LRMDA: variants seen among roughly 807,000 people sequenced by gnomAD.
LRMDA encodes leucine-rich melanocyte differentiation-associated protein.
LRMDA carries 18 observed loss-of-function variants against 29.8 expected under a neutral mutation model. The observed-to-expected ratio is 0.60, with a 90% CI of 0.42 to 0.90. LRMDA has a LOEUF of 0.90. LRMDA is among the 40% of genes least tolerant of loss of function. LRMDA has a pLI of 0.00. For synonymous variants in LRMDA, 125 were observed against 109.4 expected, an observed-to-expected ratio of 1.14 and a Z score of -0.89; for missense variants, 273 against 273.9, an observed-to-expected ratio of 1.00 and a Z score of 0.02.
intron 2 of LRMDA, among the ~76,000 whole-genome samples, chr10:75,858,392 C>G (rs1330935659): frequency 6.6e-6 from 1 of 152,186 alleles, no homozygotes; most frequent in African/African-American, 2.4e-5. Flanking sequence ...TCTTCTTCCC[C>G]CTCTCCACTA....
chr10:75,816,971 A>C (rs1844072109), intron 2 of LRMDA, among the ~76,000 whole-genome samples: 1 of 152,250 alleles, frequency 6.6e-6, no homozygotes, highest in Non-Finnish European at 1.5e-5. Context: ...TCAAATAACC[A>C]TGAAAAAGTG....
At chr10:75,462,112 A>G (rs1844593258) in intron 2 of LRMDA, among the ~76,000 whole-genome samples, 2 of 152,260 alleles carry the variant, frequency 1.3e-5, no homozygotes, top group African/African-American at 4.8e-5. Context: ...CGAACAAAGA[A>G]GACAAAGTAT....
chr10:75,648,418 T>C (rs758533913), intron 2 of LRMDA, among the ~76,000 whole-genome samples: 23 of 152,196 alleles, frequency 1.5e-4, no homozygotes, highest in Non-Finnish European at 3.1e-4. Context: ...AAAAGTGTTT[T>C]TTTCCTGTGT....
intron 5 of LRMDA, among the ~76,000 whole-genome samples, chr10:76,214,397 C>A (rs117998135): frequency 1.4e-5 from 2 of 140,294 alleles, no homozygotes; most frequent in Non-Finnish European, 3.0e-5. Flanking sequence ...GGACTGCGTC[C>A]GCAGTGGCGC....
At chr10:75,698,158 G>A (rs1053248963) in intron 2 of LRMDA, among the ~76,000 whole-genome samples, 4 of 152,236 alleles carry the variant, frequency 2.6e-5, no homozygotes, top group East Asian at 1.9e-4. Context: ...ACCCTTCCAC[G>A]GGGCTTCCTT....
chr10:76,495,789 G>T (rs1032800141), intron 6 of LRMDA, among the ~76,000 whole-genome samples: 1 of 151,820 alleles, frequency 6.6e-6, no homozygotes, highest in Non-Finnish European at 1.5e-5. Flanking sequence ...TATTACATTA[G>T]TTATTTCAGA....
chr10:76,012,569 C>T (rs954874009), intron 2 of LRMDA, among the ~76,000 whole-genome samples: 5 of 152,096 alleles, frequency 3.3e-5, no homozygotes, highest in Admixed American at 6.5e-5. Context: ...GCTCTTCCCC[C>T]GACCCCTGTA....
intron 2 of LRMDA, among the ~76,000 whole-genome samples, chr10:75,485,505 T>C (rs1844900162): frequency 6.6e-6 from 1 of 152,184 alleles, no homozygotes; most frequent in Non-Finnish European, 1.5e-5. Flanking sequence ...TAAGTGATTC[T>C]TGTTCCTCAG....
At chr10:76,526,146 G>A (rs1460979126) in intron 6 of LRMDA, among the ~76,000 whole-genome samples, 1 of 152,150 alleles carries the variant, frequency 6.6e-6, no homozygotes, top group Non-Finnish European at 1.5e-5. Context: ...GTGGTCTAGG[G>A]AAATACAAGG....
intron 2 of LRMDA, among the ~76,000 whole-genome samples, chr10:75,706,415 A>T (rs959404884): frequency 6.6e-6 from 1 of 152,218 alleles, no homozygotes; most frequent in African/African-American, 2.4e-5. Context: ...TAAAAGTCTT[A>T]GATAAGTTTC....
intron 2 of LRMDA, among the ~76,000 whole-genome samples, chr10:75,615,563 CT>C (rs796339581): frequency 6.6e-6 from 1 of 152,128 alleles, no homozygotes; most frequent in South Asian, 2.1e-4. Context: ...GGAAAAAATC[CT>C]TAATTACTCC....
At chr10:75,471,429 T>C (rs564190815) in intron 2 of LRMDA, among the ~76,000 whole-genome samples, 1 of 152,250 alleles carries the variant, frequency 6.6e-6, no homozygotes, top group African/African-American at 2.4e-5. Context: ...TTAGCAACCC[T>C]AAGGGATTGT....
intron 2 of LRMDA, among the ~76,000 whole-genome samples, chr10:76,018,125 C>A (rs1847908883): frequency 6.6e-6 from 1 of 152,184 alleles, no homozygotes; most frequent in Admixed American, 6.5e-5. Flanking sequence ...GTTGTCAGAA[C>A]TCAAAGGAAG....
intron 2 of LRMDA, among the ~76,000 whole-genome samples, chr10:75,898,236 T>C (rs1186597414): frequency 6.6e-6 from 1 of 152,140 alleles, no homozygotes; most frequent in Non-Finnish European, 1.5e-5. Flanking sequence ...AGTCCAAGAA[T>C]TTAAAAAATA....
At chr10:75,601,275 C>T (rs995538691) in intron 2 of LRMDA, 4 of 152,202 alleles carry the variant, frequency 2.6e-5, no homozygotes, top group African/African-American at 9.6e-5. Flanking sequence ...TCTGAGATGC[C>T]TCCGAGCTGC....
At chr10:76,046,942 A>G (rs1342647616) in intron 3 of LRMDA, among the ~76,000 whole-genome samples, 1 of 152,246 alleles carries the variant, frequency 6.6e-6, no homozygotes, top group Non-Finnish European at 1.5e-5. Flanking sequence ...TCTTCCTCAG[A>G]TGATCTGGAC....
chr10:75,492,148 TCTGCCTTGGCATGTGACCATG>T, intron 2 of LRMDA, among the ~76,000 whole-genome samples: 1 of 152,244 alleles, frequency 6.6e-6, no homozygotes, highest in East Asian at 1.9e-4. Context: ...ACGAGTAATT[TCTGCCTTGGCATGTGACCATG>T]GTGCCTTGGC....
At chr10:75,915,103 T>G (rs1357452069) in intron 2 of LRMDA, among the ~76,000 whole-genome samples, 1 of 149,048 alleles carries the variant, frequency 6.7e-6, no homozygotes, top group Non-Finnish European at 1.5e-5. Flanking sequence ...GCCTTAGAAA[T>G]TCTCATGTCT....
At chr10:75,981,871 G>A (rs2132450089) in intron 2 of LRMDA, among the ~76,000 whole-genome samples, 1 of 147,500 alleles carries the variant, frequency 6.8e-6, no homozygotes, top group African/African-American at 2.5e-5. Context: ...AAAAAAAAGT[G>A]AGTGAGTGAT....
Sources: gnomAD v4.1 joint callset for allele counts (sites outside exome capture counted in the v4.1 genomes callset) on GRCh38, gnomAD v4.1.1 for gene constraint, MANE v1.5 for transcripts, NCBI Gene and HGNC (gene_info 2026-07-23, HGNC 2026-07-21) for gene names.